SUMF1: variants seen among roughly 807,000 people sequenced by gnomAD.
The protein encoded by SUMF1 is formylglycine-generating enzyme.
Under a neutral mutation model 47.6 loss-of-function variants are expected in SUMF1, and 48 were observed. That is an observed-to-expected ratio of 1.01 (90% CI 0.80 to 1.28). The LOEUF (loss-of-function observed/expected upper bound fraction) is 1.28. Among genes scored for constraint, SUMF1 ranks in the 50% most tolerant of loss-of-function variants. The pLI is 0.00. For synonymous variants in SUMF1, 230 were observed against 192.1 expected (o/e 1.20, Z -1.63); for missense variants, 571 against 485.4 (o/e 1.18, Z -1.66).
At chr3:4,262,149 G>A (rs1355079495) in intron 8 of SUMF1, among the ~76,000 whole-genome samples, 1 of 152,068 alleles carries the variant, frequency 6.6e-6, no homozygotes, top group Non-Finnish European at 1.5e-5. Flanking sequence ...TAGTGTAACT[G>A]CCCCTCCTTG....
Position 4,097,288 on chromosome 3 carries a change from C to T in SUMF1, c.1015-28543G>A, listed in dbSNP as rs145043602. Among the ~76,000 whole-genome samples the T allele has an allele frequency of 3.1e-4, 47 of 152,170 alleles. No homozygotes were observed. In the East Asian group the frequency reaches 7.2e-3, roughly 23 times the overall value. Reference sequence around the variant, plus strand: ...TGGTTGAGCCAGGCACGGTGGCTCACGCCTGTAATCCCAGCACTTTGGGAG... The same window carrying T: ...TGGTTGAGCCAGGCACGGTGGCTCATGCCTGTAATCCCAGCACTTTGGGAG... On this transcript the variant is annotated intron_variant and NMD_transcript_variant, in intron 8 of 12. Transcript: ENST00000448413.
chr3:4,057,194 G>A (rs1695208145), intron 9 of SUMF1, among the ~76,000 whole-genome samples: 1 of 152,168 alleles, frequency 6.6e-6, no homozygotes, highest in East Asian at 1.9e-4. Flanking sequence ...GCTGCACTCA[G>A]ATGGGAAGGG....
At chr3:4,369,673 T>G (rs1224776503) in intron 8 of SUMF1, among the ~76,000 whole-genome samples, 1 of 152,136 alleles carries the variant, frequency 6.6e-6, no homozygotes, top group Admixed American at 6.5e-5. Context: ...TCAGCATACA[T>G]AAGAATGGCC....
chr3:4,035,984 G>A (rs1694786246), intron 9 of SUMF1, among the ~76,000 whole-genome samples: 1 of 152,062 alleles, frequency 6.6e-6, no homozygotes, highest in East Asian at 1.9e-4. Flanking sequence ...TGTGACCTGA[G>A]GAAAATGACT....
intron 8 of SUMF1, among the ~76,000 whole-genome samples, chr3:4,184,293 TAA>T (rs1382937649): frequency 6.6e-6 from 1 of 151,534 alleles, no homozygotes; most frequent in African/African-American, 2.4e-5. Flanking sequence ...CTGTCTCTAC[TAA>T]AAATACAAAA....
chr3:4,213,720 AC>A (rs1338098842), intron 8 of SUMF1, among the ~76,000 whole-genome samples: 1 of 152,190 alleles, frequency 6.6e-6, no homozygotes, highest in Non-Finnish European at 1.5e-5. Flanking sequence ...AGGAATATTT[AC>A]CAAGCAAATG....
At chr3:4,174,119 G>A (rs148252887) in intron 8 of SUMF1, among the ~76,000 whole-genome samples, 2 of 152,174 alleles carry the variant, frequency 1.3e-5, no homozygotes, top group African/African-American at 4.8e-5. Context: ...CACTTCAGGA[G>A]GCTGAGGCAG....
chr3:4,170,988 T>C (rs1371961176), intron 8 of SUMF1, among the ~76,000 whole-genome samples: 1 of 152,194 alleles, frequency 6.6e-6, no homozygotes, highest in Non-Finnish European at 1.5e-5. Flanking sequence ...TAGTGCTCTA[T>C]GCCATTCACC....
chr3:4,405,815 C>CA (rs1701357886), intron 7 of SUMF1, among the ~76,000 whole-genome samples: 1 of 152,220 alleles, frequency 6.6e-6, no homozygotes, highest in African/African-American at 2.4e-5. Flanking sequence ...CAAACTGAAT[C>CA]TCTGGCTAAA....
At chr3:4,246,104 A>G (rs1336483024) in intron 8 of SUMF1, among the ~76,000 whole-genome samples, 2 of 152,170 alleles carry the variant, frequency 1.3e-5, no homozygotes, top group Admixed American at 1.3e-4. Flanking sequence ...CCGGTTGTGA[A>G]GAACATGAGA....
At position 4,250,797 on chromosome 3, in the gene SUMF1, G is replaced by A. The variant is rs531503053; in HGVS notation, c.1014+125533C>T. Among the ~76,000 whole-genome samples the A allele has an allele frequency of 1.7e-3, 264 of 152,226 alleles. 1 individual carries two copies. The highest frequency in any genetic ancestry group is 6.1e-3 in the African/African-American group (253 of 41,550). On this transcript the variant is annotated intron_variant and NMD_transcript_variant, in intron 8 of 12. Transcript: ENST00000448413. ...TGTCTGTTTACAGCATGATTTACTG[G>A]ATATTTAAGCCCACTGTTGAGACTT...
At position 4,301,172 on chromosome 3, in the gene SUMF1, A is replaced by G. The variant is rs146233128; in HGVS notation, c.1014+75158T>C. On this transcript the variant is annotated intron_variant and NMD_transcript_variant, in intron 8 of 12. Transcript: ENST00000448413. ...AACAGGGTAAAGAAAGATACAGAGA[A>G]GGGACTACTTGAGCTGAGCAGACAG... 2.9e-3 allele frequency among the ~76,000 whole-genome samples: 435 copies of G among 152,342 alleles called. 3 individuals carry two copies. The highest frequency in any genetic ancestry group is 9.5e-3 in the African/African-American group (397 of 41,590).
intron 9 of SUMF1, among the ~76,000 whole-genome samples, chr3:4,058,000 T>A (rs141733915): frequency 1.8e-4 from 27 of 152,206 alleles, no homozygotes; most frequent in Non-Finnish European, 3.5e-4. Flanking sequence ...CCAACAAGTA[T>A]AAGTGAGTGT....
intron 8 of SUMF1, chr3:4,303,816 G>A (rs908222018): frequency 7.3e-7 from 1 of 1,378,524 alleles, no homozygotes; most frequent in African/African-American, 1.5e-5. Flanking sequence ...AGAACTCAAG[G>A]AGGCATCACG....
intron 8 of SUMF1, among the ~76,000 whole-genome samples, chr3:4,264,506 T>G (rs754697443): frequency 8.6e-5 from 13 of 151,948 alleles, no homozygotes; most frequent in Non-Finnish European, 1.6e-4. Context: ...TCAGAACACT[T>G]TTTTTTTATA....
intron 8 of SUMF1, among the ~76,000 whole-genome samples, chr3:4,231,800 G>A (rs1450392246): frequency 1.3e-5 from 2 of 152,036 alleles, no homozygotes; most frequent in African/African-American, 4.8e-5. Flanking sequence ...TGCTACATGG[G>A]TATCCGGAAA....
intron 9 of SUMF1, among the ~76,000 whole-genome samples, chr3:4,043,933 T>C (rs2125019149): frequency 6.6e-6 from 1 of 152,020 alleles, no homozygotes; most frequent in East Asian, 1.9e-4. Flanking sequence ...ATCAACTCCA[T>C]TTCTTCCAGG....
rs2322589 is a variant in SUMF1 at position 4,187,687 on chromosome 3, G to A, written c.1015-118942C>T. ...CATCTATTCTCACTAACTACAGGTA[G>A]TATGTTAATAGCATGTGTGTAGAGG... On this transcript the variant is annotated intron_variant and NMD_transcript_variant, in intron 8 of 12. Coordinates refer to the SUMF1 transcript ENST00000448413. 1.2e-4 allele frequency among the ~76,000 whole-genome samples: 19 copies of A among 152,082 alleles called. No individual in the cohort carries two copies. In the South Asian group the frequency reaches 1.9e-3, roughly 15 times the overall value.
intron 9 of SUMF1, among the ~76,000 whole-genome samples, chr3:4,063,807 T>A (rs148498957): frequency 8.3e-4 from 127 of 152,330 alleles, no homozygotes; most frequent in African/African-American, 2.9e-3. Flanking sequence ...TCATATCATA[T>A]ACCTTATTAA....
Sources: gnomAD v4.1 joint callset for allele counts (sites outside exome capture counted in the v4.1 genomes callset) on GRCh38, gnomAD v4.1.1 for gene constraint, MANE v1.5 for transcripts, NCBI Gene and HGNC (gene_info 2026-07-23, HGNC 2026-07-21) for gene names.